Variants in SCARA5 observed in about 807,000 individuals in gnomAD.
The protein encoded by SCARA5 is scavenger receptor class A member 5.
A neutral mutation model predicts 46.3 loss-of-function variants in SCARA5; 45 were observed. That is an observed-to-expected ratio of 0.97 (90% CI 0.76 to 1.24). The LOEUF (loss-of-function observed/expected upper bound fraction) is 1.24, where lower values mean the gene tolerates loss of function less well. SCARA5 is among the 50% of genes most tolerant of loss of function. SCARA5 has a pLI of 0.00. For missense variants in SCARA5, 680 were observed against 689.0 expected (o/e 0.99, Z 0.15); for synonymous variants, 333 against 306.5 (o/e 1.09, Z -0.90).
Position 27,921,991 on chromosome 8 carries a change from CCTG to C in SCARA5, c.493_495del (p.Gln165del). 6.4e-7 allele frequency: 1 copy of C among 1,554,722 alleles called. No homozygotes were observed. The highest frequency in any genetic ancestry group is 8.6e-7 in the Non-Finnish European group (1 of 1,158,842). ...GTGCGGTCCCGCAGCAGGGCCACCG[CCTG>C]CTCGGTCTGCACCGCCTGCGCCTGC... On this transcript the variant is annotated inframe_deletion, in exon 4 of 9. Coordinates refer to ENST00000354914, the MANE Select transcript of SCARA5 (RefSeq NM_173833.6).
chr8:27,938,217 C>T (rs150274334), intron 3 of SCARA5, among the ~76,000 whole-genome samples: 62 of 152,338 alleles, frequency 4.1e-4, no homozygotes, highest in African/African-American at 1.4e-3. Flanking sequence ...GGCTAACACA[C>T]GTGCAGGGTC....
intron 2 of SCARA5, among the ~76,000 whole-genome samples, chr8:27,974,923 CA>C (rs35826854): frequency 0.97 from 147,076 of 151,936 alleles, 71,377 homozygotes; most frequent in East Asian, 1. Flanking sequence ...TGAATCCTGG[CA>C]AAAAAAAATC....
intron 8 of SCARA5, among the ~76,000 whole-genome samples, chr8:27,874,546 C>T (rs191365358): frequency 6.6e-6 from 1 of 152,362 alleles, no homozygotes; most frequent in East Asian, 1.9e-4. Flanking sequence ...TGTTTTCCTA[C>T]TCCAACTGCA....
In SCARA5 at chr8:27,879,689, C is replaced by A; in HGVS notation, c.1231G>T (p.Asp411Tyr). 1 of 1,613,078 alleles carries A rather than the reference C, an allele frequency of 6.2e-7. No individual in the cohort carries two copies. Among genetic ancestry groups the A allele is most frequent in the African/African-American group, 1.3e-5 (1 of 75,048 alleles). The change falls in exon 8 of 9, where the codon GAC becomes TAC. Residue 411 changes from aspartate to tyrosine, a missense_variant. Asp to Tyr is a radical substitution (Grantham distance 160). Transcript: ENST00000354914. ...TCACACACGGTGCCCCAACGCCGGTCGTGGTACACTTCCACGCGGCCCTCG... is the reference window on the plus strand; with the variant it reads ...TCACACACGGTGCCCCAACGCCGGTAGTGGTACACTTCCACGCGGCCCTCG... ...PHEGRVEVYH[D>Y]RRWGTVCDDG... is the part of the protein sequence containing the mutation.
chr8:27,985,636 C>A (rs887693735), intron 2 of SCARA5, among the ~76,000 whole-genome samples: 1 of 152,150 alleles, frequency 6.6e-6, no homozygotes, highest in Non-Finnish European at 1.5e-5. Flanking sequence ...TACACTGAGG[C>A]CCACAGAGGG....
rs568744130 is a variant in SCARA5, at chr8:27,959,761, G to A, written c.241+6653C>T. Among the ~76,000 whole-genome samples, 3 of 152,338 alleles carry A rather than the reference G, an allele frequency of 2.0e-5. No individual in the cohort carries two copies. The East Asian group carries it at 5.8e-4, about 29-fold the overall frequency. ...AAGGAAGGGGTTTCTGTGACTCGCA[G>A]TTGTTTTTTGGGAAAAGCACAACAC... is the stretch of plus-strand genomic sequence containing the variant. On this transcript the variant is annotated intron_variant, in intron 3 of 8. Transcript: ENST00000354914.
At chr8:27,951,654 A>C (rs1282568383) in intron 3 of SCARA5, among the ~76,000 whole-genome samples, 1 of 152,214 alleles carries the variant, frequency 6.6e-6, no homozygotes, top group East Asian at 1.9e-4. Context: ...GTAAGGCAGA[A>C]GGCAAGTGTG....
rs533461735 is a variant in SCARA5 at position 27,896,754 on chromosome 8, G to A, written c.1153+8024C>T. The stretch of plus-strand genomic sequence containing the variant: ...TCCCAGGGAGGTTTACTATGGCTTC[G>A]TCTGTCTCTTTCTTCCATCTGAATT... On this transcript the variant is annotated intron_variant, in intron 7 of 8. Coordinates refer to ENST00000354914, the MANE Select transcript of SCARA5 (RefSeq NM_173833.6). 4.6e-5 allele frequency among the ~76,000 whole-genome samples: 7 copies of A among 152,232 alleles called. No individual in the cohort carries two copies. The East Asian group carries it at 7.7e-4, about 17-fold the overall frequency.
At chr8:27,928,569 G>C (rs1807717416) in intron 3 of SCARA5, among the ~76,000 whole-genome samples, 1 of 152,238 alleles carries the variant, frequency 6.6e-6, no homozygotes, top group South Asian at 2.1e-4. Context: ...TTTGGTTCCA[G>C]AGTCCCCAGC....
At chr8:27,906,746 A>C (rs1807268946) in intron 6 of SCARA5, among the ~76,000 whole-genome samples, 1 of 152,154 alleles carries the variant, frequency 6.6e-6, no homozygotes, top group Non-Finnish European at 1.5e-5. Context: ...TTGCTCTGTC[A>C]CCCAGGGTGG....
chr8:27,976,544 C>T (rs1808526837), intron 2 of SCARA5, among the ~76,000 whole-genome samples: 2 of 152,210 alleles, frequency 1.3e-5, no homozygotes, highest in Non-Finnish European at 2.9e-5. Flanking sequence ...CAACCTTCCG[C>T]CCACCTCCTG....
At chr8:27,953,117 G>C (rs769172928) in intron 3 of SCARA5, among the ~76,000 whole-genome samples, 1 of 152,206 alleles carries the variant, frequency 6.6e-6, no homozygotes, top group African/African-American at 2.4e-5. Context: ...GCCGACAACC[G>C]GGGCCAAAGG....
intron 3 of SCARA5, among the ~76,000 whole-genome samples, chr8:27,933,051 T>G (rs1227284931): frequency 1.3e-5 from 2 of 152,200 alleles, no homozygotes; most frequent in African/African-American, 4.8e-5. Context: ...CATTGGGGGT[T>G]AGGGATTCAA....
At chr8:27,945,076 G>T (rs1431988108) in intron 3 of SCARA5, among the ~76,000 whole-genome samples, 4 of 151,842 alleles carry the variant, frequency 2.6e-5, no homozygotes, top group Admixed American at 1.3e-4. Context: ...GAGGTAGGAG[G>T]ATCATCTGAG....
intron 3 of SCARA5, among the ~76,000 whole-genome samples, chr8:27,940,564 A>G (rs1205004661): frequency 1.3e-5 from 2 of 152,080 alleles, no homozygotes; most frequent in South Asian, 2.1e-4. Flanking sequence ...TTTTTCTACT[A>G]TATCTACTCT....
intron 2 of SCARA5, among the ~76,000 whole-genome samples, chr8:27,984,197 T>C (rs559434641): frequency 4.9e-4 from 74 of 152,118 alleles, no homozygotes; most frequent in Non-Finnish European, 7.9e-4. Flanking sequence ...CTAAAGGGTT[T>C]CTAAAACAGA....
chr8:27,929,079 ACT>A (rs1294270637), intron 3 of SCARA5, among the ~76,000 whole-genome samples: 1 of 151,922 alleles, frequency 6.6e-6, no homozygotes, highest in African/African-American at 2.4e-5. Flanking sequence ...TCAAATTAAG[ACT>A]CTGACTCAAT....
At chr8:27,876,364 G>A (rs917744711) in intron 8 of SCARA5, among the ~76,000 whole-genome samples, 1 of 152,316 alleles carries the variant, frequency 6.6e-6, no homozygotes, top group African/African-American at 2.4e-5. Flanking sequence ...CTCCTAAGGG[G>A]AGGACAGCAA....
At chr8:27,953,113 A>C (rs1172436024) in intron 3 of SCARA5, among the ~76,000 whole-genome samples, 2 of 152,234 alleles carry the variant, frequency 1.3e-5, no homozygotes, top group African/African-American at 4.8e-5. Flanking sequence ...AAAGGCCGAC[A>C]ACCGGGGCCA....
Sources: gnomAD v4.1 joint callset for allele counts (sites outside exome capture counted in the v4.1 genomes callset) on GRCh38, gnomAD v4.1.1 for gene constraint, MANE v1.5 for transcripts, NCBI Gene and HGNC (gene_info 2026-07-23, HGNC 2026-07-21) for gene names.